The following ZNF592 variants were observed in gnomAD, a reference collection of about 807,000 sequenced individuals.
ZNF592 encodes the protein spinocerebellar ataxia, autosomal recessive 5.
A neutral mutation model predicts 80.3 loss-of-function variants in ZNF592; 11 were observed. The ratio of observed to expected loss-of-function variants is 0.14; its 90% CI spans 0.09 to 0.23. The LOEUF (loss-of-function observed/expected upper bound fraction) is 0.23, where lower values mean the gene tolerates loss of function less well. ZNF592 is among the 10% of genes least tolerant of loss of function. ZNF592 has a pLI of 1.00. For missense variants in ZNF592, 1,420 were observed against 1,633.9 expected (o/e 0.87, Z 2.26); for synonymous variants, 646 against 640.3 (o/e 1.01, Z -0.13).
In ZNF592 at chr15:84,783,207, G is replaced by C. The variant is rs764800200; in HGVS notation, c.532G>C (p.Val178Leu). 6.2e-7 allele frequency: 1 copy of C among 1,614,236 alleles called. No individual in the cohort carries two copies. Among genetic ancestry groups the C allele is most frequent in the South Asian group, 1.1e-5 (1 of 91,088 alleles). The change falls in exon 4 of 11, where the codon GTG becomes CTG. Residue 178 changes from valine (V) to leucine (L), a missense_variant. Coordinates refer to ENST00000560079, the MANE Select transcript of ZNF592 (RefSeq NM_014630.3). The surrounding 1 kb of genome is among the most constrained non-coding windows in gnomAD (Gnocchi z 5.0). Reference sequence around the variant, plus strand: ...CCCACCCCCTCTTGGGTGCGGGGCTGTGGGAGGCCCAGTCCTGGAGGCTCT... The same window carrying C: ...CCCACCCCCTCTTGGGTGCGGGGCTCTGGGAGGCCCAGTCCTGGAGGCTCT... ...YFPPPLGCGA[V>L]GGPVLEALAK...
chr15:84,787,858 T>TA (rs1470109528), intron 4 of ZNF592, among the ~76,000 whole-genome samples: 2 of 152,238 alleles, frequency 1.3e-5, no homozygotes, highest in Non-Finnish European at 1.5e-5. Flanking sequence ...GTTTCATAAA[T>TA]ATCTCAGTCT....
In ZNF592 at chr15:84,783,188, C is replaced by G. The variant is rs1357618030; in HGVS notation, c.513C>G (p.Pro171=). ...KPKHSDSYFP[P]PLGCGAVGGP... Reference sequence around the variant, plus strand: ...AACACTCTGACAGTTATTTCCCACCCCCTCTTGGGTGCGGGGCTGTGGGAG... The same window carrying G: ...AACACTCTGACAGTTATTTCCCACCGCCTCTTGGGTGCGGGGCTGTGGGAG... Residue 171 remains proline, a synonymous_variant, in exon 4 of 11, where the codon CCC becomes CCG. Coordinates refer to ENST00000560079, the MANE Select transcript of ZNF592 (RefSeq NM_014630.3). This position sits in a 1 kb window ranked among gnomAD's most constrained non-coding sequence, Gnocchi z 5.0. The G allele has an allele frequency of 2.5e-6, 4 of 1,614,182 alleles. No individual in the cohort carries two copies. The highest frequency in any genetic ancestry group is 3.4e-6 in the Non-Finnish European group (4 of 1,180,032).
At chr15:84,766,015 T>A (rs1899507939) in intron 2 of ZNF592, among the ~76,000 whole-genome samples, 1 of 150,982 alleles carries the variant, frequency 6.6e-6, no homozygotes, top group Non-Finnish European at 1.5e-5. Context: ...TTTTTTTTTT[T>A]TATGTTTTGT....
At chr15:84,751,595 C>CTT (rs779955467) in intron 1 of ZNF592, among the ~76,000 whole-genome samples, 2 of 143,806 alleles carry the variant, frequency 1.4e-5, no homozygotes, top group African/African-American at 2.5e-5. Context: ...ATTTTTATTA[C>CTT]TTTTTTTTTT....
intron 1 of ZNF592, among the ~76,000 whole-genome samples, chr15:84,755,517 A>T (rs1899145473): frequency 1.3e-5 from 2 of 152,048 alleles, no homozygotes. Context: ...AGAACACGAG[A>T]CCTACATCCC....
At chr15:84,769,914 T>G (rs1899650142) in intron 2 of ZNF592, among the ~76,000 whole-genome samples, 1 of 152,206 alleles carries the variant, frequency 6.6e-6, no homozygotes, top group African/African-American at 2.4e-5. Context: ...TAGCTGGTAC[T>G]ACAGGCATGG....
In ZNF592 at chr15:84,806,261, C is replaced by G. The variant is rs1016372085; in HGVS notation, c.*3868C>G. ...GTTCACCTTCTCCAACAGATGCCAC[C>G]GGAGCCTTAGGAACTGGGCACAGGA... On this transcript the variant is annotated 3_prime_UTR_variant, in exon 11 of 11. Coordinates refer to ENST00000560079, the MANE Select transcript of ZNF592 (RefSeq NM_014630.3). The G allele has an allele frequency of 6.6e-6, 1 of 152,190 alleles. No individual in the cohort carries two copies. Among genetic ancestry groups the G allele is most frequent in the Non-Finnish European group, 1.5e-5 (1 of 68,030 alleles). The allele number at this position is 152,190 out of a possible 1,614,324, so 9.4% of individuals were successfully genotyped here.
chr15:84,760,973 T>G (rs1267394328), intron 1 of ZNF592, among the ~76,000 whole-genome samples: 4 of 152,142 alleles, frequency 2.6e-5, no homozygotes, highest in African/African-American at 9.7e-5. Flanking sequence ...AGAAGTTTTT[T>G]TTTTTTTAGG....
At chr15:84,782,224 T>C (rs1354136776) in intron 3 of ZNF592, among the ~76,000 whole-genome samples, 1 of 152,128 alleles carries the variant, frequency 6.6e-6, no homozygotes, top group East Asian at 1.9e-4. Flanking sequence ...TTACTAAGAG[T>C]AAATTAGCAG....
chr15:84,782,431 G>C (rs867702167), intron 3 of ZNF592, among the ~76,000 whole-genome samples: 2 of 152,150 alleles, frequency 1.3e-5, no homozygotes, highest in Non-Finnish European at 2.9e-5. Flanking sequence ...AGATCATCCA[G>C]GCAGGCTTGT....
intron 1 of ZNF592, among the ~76,000 whole-genome samples, chr15:84,763,807 A>C (rs1470148736): frequency 6.6e-6 from 1 of 152,194 alleles, no homozygotes; most frequent in Non-Finnish European, 1.5e-5. Flanking sequence ...TCAGGGAATG[A>C]GTCCTTTTAT....
intron 3 of ZNF592, among the ~76,000 whole-genome samples, chr15:84,778,891 A>G (rs1328054532): frequency 6.6e-6 from 1 of 152,188 alleles, no homozygotes; most frequent in Non-Finnish European, 1.5e-5. Flanking sequence ...TGATGATTGA[A>G]TTTCTTTTCC....
intron 1 of ZNF592, among the ~76,000 whole-genome samples, chr15:84,757,340 T>G (rs1361540532): frequency 5.0e-4 from 2 of 4,008 alleles, no homozygotes; most frequent in Admixed American, 2.4e-3. Flanking sequence ...CTTTCTTTCC[T>G]TTTTTTTTTT....
rs907248611 is a variant in ZNF592 at position 84,757,188 on chromosome 15, T to G, written c.-258-7519T>G. Among the ~76,000 whole-genome samples, 10 of 152,242 alleles carry G rather than the reference T, an allele frequency of 6.6e-5. No individual in the cohort carries two copies. The South Asian group carries it at 2.1e-3, about 32-fold the overall frequency. On this transcript the variant is annotated intron_variant, in intron 1 of 10. Coordinates refer to ENST00000560079, the MANE Select transcript of ZNF592 (RefSeq NM_014630.3). ...CCAAGCCAGTCTCAAACTCCTGGCT[T>G]CAAATAATCCTTCCACCTTAGCTTC...
chr15:84,789,798 C>T (rs909944445), intron 4 of ZNF592, among the ~76,000 whole-genome samples: 1 of 152,208 alleles, frequency 6.6e-6, no homozygotes, highest in Non-Finnish European at 1.5e-5. Context: ...TAGTCAGCTC[C>T]TCTGACCCCA....
chr15:84,792,868 C>G (rs1229761637), intron 5 of ZNF592, among the ~76,000 whole-genome samples: 5 of 152,188 alleles, frequency 3.3e-5, no homozygotes, highest in Non-Finnish European at 5.9e-5. Flanking sequence ...GCACTTACCA[C>G]CAAGTTGCTG....
At chr15:84,768,745 A>G (rs1051565550) in intron 2 of ZNF592, among the ~76,000 whole-genome samples, 1 of 152,148 alleles carries the variant, frequency 6.6e-6, no homozygotes, top group African/African-American at 2.4e-5. Flanking sequence ...TTCATAGACA[A>G]GGGTACTTTA....
chr15:84,800,527 G>A (rs928691372), intron 10 of ZNF592, among the ~76,000 whole-genome samples: 2 of 152,140 alleles, frequency 1.3e-5, no homozygotes, highest in African/African-American at 2.4e-5. Context: ...ACCATGGTAG[G>A]GGGGTGCTGT....
chr15:84,752,359 C>G (rs981662146), intron 1 of ZNF592, among the ~76,000 whole-genome samples: 3 of 152,144 alleles, frequency 2.0e-5, no homozygotes, highest in African/African-American at 7.2e-5. Flanking sequence ...TTACAGTGTA[C>G]TTAAGTTCTC....
Sources: allele counts gnomAD v4.1 joint callset (sites outside exome capture counted in the v4.1 genomes callset), GRCh38; gene constraint gnomAD v4.1.1; non-coding constraint Gnocchi (gnomAD v3.1); transcripts MANE v1.5; gene names NCBI Gene and HGNC (gene_info 2026-07-23, HGNC 2026-07-21).